LRRIQ1: variants seen among roughly 807,000 people sequenced by gnomAD.
The protein encoded by LRRIQ1 is leucine-rich repeat- and IQ domain-containing protein 1.
In LRRIQ1, 210 loss-of-function variants were observed where a neutral mutation model predicts 211.9. That is an observed-to-expected ratio of 0.99 (90% confidence interval 0.89 to 1.11). The LOEUF (loss-of-function observed/expected upper bound fraction) is 1.11, where lower values mean the gene tolerates loss of function less well. Among genes scored for constraint, LRRIQ1 ranks in the 50% most tolerant of loss-of-function variants. LRRIQ1 has a pLI of 0.00. For synonymous variants in LRRIQ1, 699 were observed against 650.1 expected, an observed-to-expected ratio of 1.08 and a Z score of -1.14; for missense variants, 2,136 against 1,939.5, an observed-to-expected ratio of 1.10 and a Z score of -1.90.
chr12:85,253,932 A>G (rs769650930), intron 1 of LRRIQ1, among the ~76,000 whole-genome samples: 1 of 152,006 alleles, frequency 6.6e-6, no homozygotes, highest in African/African-American at 2.4e-5. Flanking sequence ...CTCACATCTC[A>G]TTGAAATCTA....
intron 7 of LRRIQ1, among the ~76,000 whole-genome samples, chr12:85,055,122 G>A (rs895378310): frequency 6.6e-6 from 1 of 152,042 alleles, no homozygotes; most frequent in Non-Finnish European, 1.5e-5. Flanking sequence ...TCCTGTTTTT[G>A]CAGTCTCAAT....
intron 24 of LRRIQ1, among the ~76,000 whole-genome samples, chr12:85,184,825 G>A (rs1013677283): frequency 3.9e-5 from 6 of 151,936 alleles, no homozygotes; most frequent in Middle Eastern, 3.4e-3. Context: ...TTAAACATAC[G>A]TTTGATACTT....
chr12:85,072,714 T>C (rs1286890806), intron 10 of LRRIQ1, among the ~76,000 whole-genome samples, 193 bp from the exon 11 acceptor site: 1 of 152,002 alleles, frequency 6.6e-6, no homozygotes, highest in Non-Finnish European at 1.5e-5. Flanking sequence ...TTATTTTTAT[T>C]TTTGTTTGCC....
intron 8 of LRRIQ1, among the ~76,000 whole-genome samples, chr12:85,058,950 G>A (rs773252541): frequency 1.3e-5 from 2 of 151,890 alleles, no homozygotes; most frequent in African/African-American, 4.8e-5. Flanking sequence ...CATCAAATAG[G>A]CAGTATAAAG....
intron 16 of LRRIQ1, 41 bp from the exon 17 acceptor site, chr12:85,124,029 G>T (rs150108253): frequency 2.1e-6 from 3 of 1,455,154 alleles, no homozygotes; most frequent in South Asian, 2.4e-5. Flanking sequence ...ATATTTGCTG[G>T]TACTATTCTT....
chr12:85,197,932 AT>A (rs1565898294), intron 24 of LRRIQ1, among the ~76,000 whole-genome samples: 14 of 111,796 alleles, frequency 1.3e-4, no homozygotes, highest in Non-Finnish European at 2.5e-4. Context: ...ATATAATATA[AT>A]TATATATATT....
At chr12:85,082,930 A>G (rs1330572723) in intron 11 of LRRIQ1, among the ~76,000 whole-genome samples, 1 of 152,200 alleles carries the variant, frequency 6.6e-6, no homozygotes, top group African/African-American at 2.4e-5. Context: ...ATCTACAGTC[A>G]TTTATGGTAC....
chr12:85,233,409 C>G (rs1308029324), intron 26 of LRRIQ1, among the ~76,000 whole-genome samples: 1 of 151,948 alleles, frequency 6.6e-6, no homozygotes, highest in African/African-American at 2.4e-5. Context: ...TGACCAGTGA[C>G]AGAAGTGTGT....
At chr12:85,172,914 C>T (rs1235783706) in intron 24 of LRRIQ1, among the ~76,000 whole-genome samples, 1 of 151,814 alleles carries the variant, frequency 6.6e-6, no homozygotes, top group Non-Finnish European at 1.5e-5. Context: ...CGAGACCATC[C>T]TGGTGAACAT....
chr12:85,141,338 T>C (rs1889518599), intron 19 of LRRIQ1, among the ~76,000 whole-genome samples: 1 of 151,310 alleles, frequency 6.6e-6, no homozygotes, highest in Non-Finnish European at 1.5e-5. Context: ...CTATGAGGTA[T>C]TGAGAGAGGA....
intron 24 of LRRIQ1, among the ~76,000 whole-genome samples, chr12:85,200,985 A>G (rs1354057235): frequency 7.5e-6 from 1 of 133,006 alleles, no homozygotes; most frequent in African/African-American, 4.1e-5. Flanking sequence ...ATTCCTGGCT[A>G]ATTTTTCTTT....
At chr12:85,189,875 GATTATAT>G (rs1284579038) in intron 24 of LRRIQ1, among the ~76,000 whole-genome samples, 1 of 141,520 alleles carries the variant, frequency 7.1e-6, no homozygotes, top group Admixed American at 7.3e-5. Flanking sequence ...ATTTATATAA[GATTATAT>G]ATTATATATC....
intron 24 of LRRIQ1, among the ~76,000 whole-genome samples, chr12:85,225,660 G>T (rs1565914860): frequency 6.6e-6 from 1 of 152,114 alleles, no homozygotes; most frequent in Non-Finnish European, 1.5e-5. Context: ...GATGATGCAA[G>T]ACCCATAGAA....
chr12:85,092,881 G>T (rs1001274225), intron 11 of LRRIQ1, among the ~76,000 whole-genome samples: 1 of 152,204 alleles, frequency 6.6e-6, no homozygotes, highest in Non-Finnish European at 1.5e-5. Flanking sequence ...AATCCTGCCT[G>T]CTGCTAATGA....
chr12:85,217,504 ATATATGTGTGTG>A (rs1351251063), intron 24 of LRRIQ1, among the ~76,000 whole-genome samples: 185 of 66,994 alleles, frequency 2.8e-3, no homozygotes, highest in Admixed American at 4.0e-3. Flanking sequence ...ATATATATAT[ATATATGTGTGTG>A]TGTGTGTGTG....
chr12:85,131,715 G>A (rs1428886564), intron 18 of LRRIQ1, among the ~76,000 whole-genome samples: 3 of 152,080 alleles, frequency 2.0e-5, no homozygotes, highest in Non-Finnish European at 4.4e-5. Flanking sequence ...TCAACAAGGA[G>A]CAAGTATATA....
chr12:85,109,351 A>G (rs1236816415), intron 15 of LRRIQ1, among the ~76,000 whole-genome samples: 1 of 152,144 alleles, frequency 6.6e-6, no homozygotes, highest in Non-Finnish European at 1.5e-5. Context: ...TTTACTGCAT[A>G]TTGGTAACTT....
chr12:85,076,039 T>C (rs974868711), intron 11 of LRRIQ1, among the ~76,000 whole-genome samples: 6 of 152,120 alleles, frequency 3.9e-5, no homozygotes, highest in African/African-American at 1.4e-4. Context: ...TAAATAAATA[T>C]ACATTTCATA....
rs984300491 is a variant in LRRIQ1, at chr12:85,196,336, G to C, written c.4823-33181G>C. On this transcript the variant is annotated intron_variant, in intron 24 of 26. Coordinates refer to ENST00000393217, the MANE Select transcript of LRRIQ1 (RefSeq NM_001079910.2). ...AATTGGAAAAAACTACTTTAAAGTT[G>C]ATATGGAATCAAAAAAGAGCCCACA... Among the ~76,000 whole-genome samples the C allele has an allele frequency of 5.7e-4, 87 of 152,088 alleles. No individual in the cohort carries two copies. The Middle Eastern group carries it at 0.01, about 18-fold the overall frequency.
Sources: gnomAD v4.1 joint callset for allele counts (sites outside exome capture counted in the v4.1 genomes callset) on GRCh38, gnomAD v4.1.1 for gene constraint, MANE v1.5 for transcripts, NCBI Gene and HGNC (gene_info 2026-07-23, HGNC 2026-07-21) for gene names.